The following FAT3 variants were observed in gnomAD, a reference collection of about 807,000 sequenced individuals.
The protein encoded by FAT3 is protocadherin Fat 3.
Under a neutral mutation model 310.2 loss-of-function variants are expected in FAT3, and 95 were observed. The observed-to-expected ratio is 0.31, with a 90% confidence interval of 0.26 to 0.36. The LOEUF is 0.36. Ranked by LOEUF, FAT3 falls within the 10% of genes least tolerant of loss-of-function variation. FAT3 has a pLI of 1.00. For synonymous variants in FAT3, 2,314 were observed against 2,192.9 expected (o/e 1.06, Z -1.54); for missense variants, 5,408 against 5,715.6 (o/e 0.95, Z 1.74).
At chr11:92,474,582 A>AG (rs1312267113) in intron 2 of FAT3, among the ~76,000 whole-genome samples, 2 of 152,104 alleles carry the variant, frequency 1.3e-5, no homozygotes, top group Non-Finnish European at 2.9e-5. Context: ...AAAAGGCCTT[A>AG]GACAAGGGAC....
chr11:92,616,304 G>A (rs1940800772), intron 3 of FAT3, among the ~76,000 whole-genome samples: 1 of 151,910 alleles, frequency 6.6e-6, no homozygotes, highest in Non-Finnish European at 1.5e-5. Context: ...TGGAACCCCT[G>A]CTTTTTTTTT....
chr11:92,610,385 T>C (rs976546926), intron 3 of FAT3, among the ~76,000 whole-genome samples: 2 of 152,222 alleles, frequency 1.3e-5, no homozygotes, highest in Non-Finnish European at 2.9e-5. Context: ...GTGTTTTATC[T>C]GAAAATTCTT....
chr11:92,357,004 A>G (rs373270000), intron 2 of FAT3, among the ~76,000 whole-genome samples: 102 of 152,264 alleles, frequency 6.7e-4, no homozygotes, highest in African/African-American at 2.4e-3. Flanking sequence ...TAAAAAGTCT[A>G]TATTAGGAAA....
chr11:92,649,048 C>T (rs1942273096), intron 3 of FAT3, among the ~76,000 whole-genome samples: 1 of 152,122 alleles, frequency 6.6e-6, no homozygotes, highest in African/African-American at 2.4e-5. Context: ...AATGCACCTG[C>T]CCAGTGAGGC....
intron 3 of FAT3, among the ~76,000 whole-genome samples, chr11:92,634,974 G>A (rs1411341931): frequency 1.3e-5 from 2 of 152,110 alleles, no homozygotes; most frequent in African/African-American, 4.8e-5. Flanking sequence ...CAGCGGAAAG[G>A]CCTTGTGAAG....
chr11:92,361,904 A>G (rs1296887561), intron 2 of FAT3, among the ~76,000 whole-genome samples: 1 of 152,240 alleles, frequency 6.6e-6, no homozygotes, highest in Non-Finnish European at 1.5e-5. Context: ...ACAGGTCAGA[A>G]TGCAGATGCA....
chr11:92,448,163 T>C (rs1302138251), intron 2 of FAT3, among the ~76,000 whole-genome samples: 2 of 152,132 alleles, frequency 1.3e-5, no homozygotes, highest in Non-Finnish European at 2.9e-5. Flanking sequence ...GTTGTGAAGA[T>C]TGAGTAAATT....
chr11:92,840,479 T>G, intron 17 of FAT3, 83 bp from the exon 18 acceptor site: 1 of 1,268,592 alleles, frequency 7.9e-7, no homozygotes, highest in Non-Finnish European at 1.1e-6. Flanking sequence ...GATGGTATTT[T>G]TGATTTGTTT....
chr11:92,304,885 G>A (rs760126056), intron 1 of FAT3, among the ~76,000 whole-genome samples: 10 of 152,060 alleles, frequency 6.6e-5, no homozygotes, highest in Non-Finnish European at 1.5e-4. Flanking sequence ...GGGTGAGGAT[G>A]ATCCTTTAAA....
chr11:92,585,794 C>T (rs1230360750), intron 3 of FAT3, among the ~76,000 whole-genome samples: 1 of 150,448 alleles, frequency 6.6e-6, no homozygotes, highest in Non-Finnish European at 1.5e-5. Flanking sequence ...AGTTATTTTC[C>T]TCTTTCTCCT....
chr11:92,312,524 A>G (rs370347275), intron 1 of FAT3, among the ~76,000 whole-genome samples: 2 of 152,196 alleles, frequency 1.3e-5, no homozygotes, highest in African/African-American at 4.8e-5. Context: ...CACAAAACAA[A>G]TAGTGACTTC....
At chr11:92,651,572 G>A (rs1942381490) in intron 3 of FAT3, among the ~76,000 whole-genome samples, 1 of 151,846 alleles carries the variant, frequency 6.6e-6, no homozygotes, top group South Asian at 2.1e-4. Context: ...ACTTTTTTTT[G>A]TCTTAAAATA....
At chr11:92,338,801 G>C (rs942426854) in intron 1 of FAT3, among the ~76,000 whole-genome samples, 1 of 152,134 alleles carries the variant, frequency 6.6e-6, no homozygotes, top group Non-Finnish European at 1.5e-5. Context: ...TGCTACATGC[G>C]AACAGTTCCT....
Position 92,799,662 on chromosome 11 carries a change from G to C in FAT3, c.6649G>C (p.Gly2217Arg). The change falls in exon 10 of 28, where the codon GGC (glycine) becomes CGC (arginine). Residue 2217 changes from glycine (G) to arginine (R), a missense_variant. Coordinates refer to ENST00000525166, the MANE Select transcript of FAT3 (RefSeq NM_001367949.2). ...CAATGCCACCAGTCCAGAAGGCCAA[G>C]GCATCATATATATCATTATCGATGG... is the stretch of plus-strand genomic sequence containing the variant. ...SINATSPEGQGIIYIIIDGDP... is the reference protein window; with the variant it reads ...SINATSPEGQRIIYIIIDGDP... The C allele has an allele frequency of 6.2e-7, 1 of 1,613,682 alleles. No individual in the cohort carries two copies. Among genetic ancestry groups the C allele is most frequent in the South Asian group, 1.1e-5 (1 of 91,020 alleles).
intron 23 of FAT3, among the ~76,000 whole-genome samples, chr11:92,882,358 T>C (rs1475883488): frequency 3.9e-5 from 6 of 152,172 alleles, no homozygotes; most frequent in Non-Finnish European, 8.8e-5. Context: ...CAATTTTAAA[T>C]TCTGAGATGC....
At chr11:92,596,545 A>G (rs559705247) in intron 3 of FAT3, among the ~76,000 whole-genome samples, 1 of 152,310 alleles carries the variant, frequency 6.6e-6, no homozygotes, top group East Asian at 1.9e-4. Context: ...TGACCATCTC[A>G]TGCACAGACA....
intron 1 of FAT3, among the ~76,000 whole-genome samples, chr11:92,232,213 A>G (rs371556353): frequency 6.6e-6 from 1 of 152,130 alleles, no homozygotes. Context: ...TGACTTTAAC[A>G]TCGCCCATGT....
chr11:92,519,134 C>G (rs558729656), intron 2 of FAT3, among the ~76,000 whole-genome samples: 1 of 152,068 alleles, frequency 6.6e-6, no homozygotes, highest in African/African-American at 2.4e-5. Flanking sequence ...CTTACACTTC[C>G]TGATTTCAAG....
chr11:92,608,964 C>T (rs1361981639), intron 3 of FAT3, among the ~76,000 whole-genome samples: 1 of 152,112 alleles, frequency 6.6e-6, no homozygotes, highest in African/African-American at 2.4e-5. Flanking sequence ...AAGAGAGAAC[C>T]TTTGGATAAA....
Sources: allele counts gnomAD v4.1 joint callset (sites outside exome capture counted in the v4.1 genomes callset), GRCh38; gene constraint gnomAD v4.1.1; transcripts MANE v1.5; gene names NCBI Gene and HGNC (gene_info 2026-07-23, HGNC 2026-07-21).